EYS: variants seen among roughly 807,000 people sequenced by gnomAD.
EYS encodes the protein protein eyes shut homolog.
A neutral mutation model predicts 282.1 loss-of-function variants in EYS; 250 were observed. The ratio of observed to expected loss-of-function variants is 0.89; its 90% confidence interval spans 0.80 to 0.98. The LOEUF (loss-of-function observed/expected upper bound fraction) is 0.98, where lower values mean the gene tolerates loss of function less well. EYS is among the 50% of genes least tolerant of loss of function. EYS has a pLI of 0.00. For missense variants in EYS, 4,016 were observed against 3,709.0 expected (o/e 1.08, Z -2.15); for synonymous variants, 1,355 against 1,282.9 (o/e 1.06, Z -1.20).
chr6:64,900,990 C>G (rs530113802), intron 18 of EYS, among the ~76,000 whole-genome samples: 3 of 151,876 alleles, frequency 2.0e-5, no homozygotes, highest in South Asian at 4.2e-4. Context: ...TGGAACCAAC[C>G]AAAATGCCCA....
chr6:65,605,620 T>A (rs1243359959), intron 2 of EYS, among the ~76,000 whole-genome samples: 1 of 151,906 alleles, frequency 6.6e-6, no homozygotes, highest in Non-Finnish European at 1.5e-5. Context: ...GTTATCAAAT[T>A]GAAAGTATAT....
At chr6:65,335,675 T>C (rs572543707) in intron 10 of EYS, among the ~76,000 whole-genome samples, 36 of 151,630 alleles carry the variant, frequency 2.4e-4, no homozygotes, top group Non-Finnish European at 4.7e-4. Context: ...TGCTTGCCTG[T>C]CCCCCATAAA....
intron 30 of EYS, among the ~76,000 whole-genome samples, chr6:64,303,945 G>C (rs1225240584): frequency 6.6e-6 from 1 of 151,994 alleles, no homozygotes; most frequent in African/African-American, 2.4e-5. Context: ...AGGAATGTAA[G>C]GGAGTTTATC....
chr6:65,404,548 C>T (rs887677078), intron 6 of EYS, among the ~76,000 whole-genome samples: 2 of 151,754 alleles, frequency 1.3e-5, no homozygotes, highest in Non-Finnish European at 2.9e-5. Flanking sequence ...GTATATGGTA[C>T]ATTGGTAACA....
chr6:65,317,024 T>A (rs554981864), intron 11 of EYS, among the ~76,000 whole-genome samples: 2 of 152,294 alleles, frequency 1.3e-5, no homozygotes, highest in East Asian at 1.9e-4. Flanking sequence ...AAATTTTATA[T>A]AATAAATATT....
At chr6:65,665,377 A>C (rs1768161070) in intron 1 of EYS, among the ~76,000 whole-genome samples, 1 of 152,090 alleles carries the variant, frequency 6.6e-6, no homozygotes. Flanking sequence ...CCTGAGTTTC[A>C]ATTTATATTT....
At chr6:65,060,461 A>C (rs895485046) in intron 12 of EYS, among the ~76,000 whole-genome samples, 1 of 151,976 alleles carries the variant, frequency 6.6e-6, no homozygotes, top group African/African-American at 2.4e-5. Flanking sequence ...TTAGAGGATG[A>C]TGTAAAAAAC....
intron 5 of EYS, among the ~76,000 whole-genome samples, chr6:65,479,792 A>C (rs1765539952): frequency 6.6e-6 from 1 of 152,132 alleles, no homozygotes; most frequent in East Asian, 1.9e-4. Context: ...AACATACAAA[A>C]TGTGTTTTAA....
chr6:64,319,751 A>T (rs1770137230), intron 29 of EYS, among the ~76,000 whole-genome samples: 1 of 151,864 alleles, frequency 6.6e-6, no homozygotes, highest in African/African-American at 2.4e-5. Context: ...AGACAGACAG[A>T]CAGGAAGACA....
At chr6:65,595,995 G>T (rs925204390) in intron 2 of EYS, among the ~76,000 whole-genome samples, 1 of 151,986 alleles carries the variant, frequency 6.6e-6, no homozygotes, top group African/African-American at 2.4e-5. Flanking sequence ...AGCCTATTGC[G>T]AGCACCCCTA....
intron 19 of EYS, among the ~76,000 whole-genome samples, chr6:64,823,410 G>A (rs968028000): frequency 3.3e-5 from 5 of 151,828 alleles, no homozygotes; most frequent in Middle Eastern, 3.4e-3. Flanking sequence ...ACGTTTTTAG[G>A]GAGGTAATCA....
rs549113090 is a variant in EYS, at chr6:64,784,805, G to T, written c.3443+28573C>A. On this transcript the variant is annotated intron_variant, in intron 22 of 42. Coordinates refer to ENST00000503581, the MANE Select transcript of EYS (RefSeq NM_001142800.2). ...ACTTATTGCTTGTGTTGGATAGAAAGTTCTCTTAATATCAGTATTGCTTTG... is the reference window on the plus strand; with the variant it reads ...ACTTATTGCTTGTGTTGGATAGAAATTTCTCTTAATATCAGTATTGCTTTG... 8.5e-5 allele frequency among the ~76,000 whole-genome samples: 13 copies of T among 152,186 alleles called. No individual in the cohort carries two copies. The East Asian group carries it at 2.5e-3, about 29-fold the overall frequency.
At chr6:63,733,919 A>C (rs548959856) in intron 41 of EYS, among the ~76,000 whole-genome samples, 67 of 152,248 alleles carry the variant, frequency 4.4e-4, no homozygotes, top group Non-Finnish European at 8.2e-4. Context: ...GTCTTCCAAG[A>C]ATATTTTCTA....
intron 35 of EYS, among the ~76,000 whole-genome samples, chr6:63,979,546 C>T (rs1427350616): frequency 6.6e-6 from 1 of 151,886 alleles, no homozygotes; most frequent in African/African-American, 2.4e-5. Context: ...ATGTAAGTTT[C>T]TAGTGTCATG....
intron 22 of EYS, among the ~76,000 whole-genome samples, chr6:64,682,072 G>A (rs1024836530): frequency 6.6e-6 from 1 of 152,100 alleles, no homozygotes; most frequent in African/African-American, 2.4e-5. Flanking sequence ...CCAGGCCCCC[G>A]GGTGGGGCTA....
At chr6:63,766,756 A>G (rs946719569) in intron 40 of EYS, among the ~76,000 whole-genome samples, 2 of 152,044 alleles carry the variant, frequency 1.3e-5, no homozygotes, top group African/African-American at 4.8e-5. Context: ...GAGCGAGGAA[A>G]TCCACCTTTT....
chr6:65,512,167 C>T (rs1231283611), intron 2 of EYS, among the ~76,000 whole-genome samples: 1 of 152,068 alleles, frequency 6.6e-6, no homozygotes, highest in Non-Finnish European at 1.5e-5. Context: ...CCTGCAGTTA[C>T]TCATACGCCT....
intron 33 of EYS, among the ~76,000 whole-genome samples, chr6:64,017,061 C>T (rs1768928630): frequency 6.6e-6 from 1 of 151,754 alleles, no homozygotes. Flanking sequence ...TTGAACCTTC[C>T]TAGGCTGCTG....
intron 35 of EYS, among the ~76,000 whole-genome samples, chr6:63,960,414 C>T (rs192666955): frequency 1.3e-5 from 2 of 152,142 alleles, no homozygotes; most frequent in African/African-American, 4.8e-5. Flanking sequence ...GAGATGGACT[C>T]TACCAGTGAA....
Sources: allele counts gnomAD v4.1 joint callset (sites outside exome capture counted in the v4.1 genomes callset), GRCh38; gene constraint gnomAD v4.1.1; transcripts MANE v1.5; gene names NCBI Gene and HGNC (gene_info 2026-07-23, HGNC 2026-07-21).